Variants in BMAL2 observed in about 807,000 individuals in gnomAD.
The protein encoded by BMAL2 is basic helix-loop-helix ARNT like 2.
chr12:27,386,485 A>G, the BMAL2 span, among the ~76,000 whole-genome samples: 3 of 152,158 alleles, frequency 2.0e-5, no homozygotes, highest in African/African-American at 7.2e-5. Flanking sequence ...ATGCCTTTTT[A>G]TTATTCAAAA....
chr12:27,359,691 C>G, the BMAL2 span, among the ~76,000 whole-genome samples: 133 of 151,292 alleles, frequency 8.8e-4, no homozygotes, highest in Admixed American at 3.5e-3. Context: ...CAAAAACAAA[C>G]AAAAACTTAC....
chr12:27,361,072 TGAAA>T, the BMAL2 span, among the ~76,000 whole-genome samples: 13 of 152,106 alleles, frequency 8.5e-5, no homozygotes, highest in African/African-American at 2.7e-4. Context: ...TTATGAAAAA[TGAAA>T]GAAGCCATTT....
chr12:27,400,499 G>C, the BMAL2 span: 1 of 1,492,370 alleles, frequency 6.7e-7, no homozygotes, highest in Non-Finnish European at 9.0e-7. Flanking sequence ...TATTTATAAT[G>C]ATCCAAATGT....
chr12:27,361,667 A>G, the BMAL2 span, among the ~76,000 whole-genome samples: 2 of 152,164 alleles, frequency 1.3e-5, no homozygotes, highest in East Asian at 3.9e-4. Flanking sequence ...TGAAATTTTT[A>G]CTCCTTAAAT....
chr12:27,352,539 C>T, the BMAL2 span, among the ~76,000 whole-genome samples: 1 of 149,326 alleles, frequency 6.7e-6, no homozygotes, highest in South Asian at 2.2e-4. Flanking sequence ...CACTCCTATT[C>T]AACATAAACC....
At chr12:27,417,007 A>G in the BMAL2 span, among the ~76,000 whole-genome samples, 2 of 152,140 alleles carry the variant, frequency 1.3e-5, no homozygotes, top group African/African-American at 2.4e-5. Context: ...TACAAATATC[A>G]TGTCTTCTGC....
the BMAL2 span, among the ~76,000 whole-genome samples, chr12:27,420,019 G>GCGCGCGCACACACACACA: frequency 1.2e-3 from 178 of 147,568 alleles, no homozygotes; most frequent in African/African-American, 4.2e-3. Context: ...GTTTGCGCGT[G>GCGCGCGCACACACACACA]CACACACACA....
the BMAL2 span, chr12:27,401,585 T>C: frequency 1.2e-6 from 2 of 1,611,404 alleles, no homozygotes; most frequent in African/African-American, 2.7e-5. Context: ...AAGATGGCTC[T>C]TTTGTAACTT....
the BMAL2 span, chr12:27,400,778 A>G: frequency 6.2e-7 from 1 of 1,601,228 alleles, no homozygotes; most frequent in Non-Finnish European, 8.5e-7. Flanking sequence ...ATCAAAGGTA[A>G]ACATTTACAT....
At chr12:27,367,254 GC>G in the BMAL2 span, among the ~76,000 whole-genome samples, 63 of 144,888 alleles carry the variant, frequency 4.3e-4, no homozygotes, top group African/African-American at 1.7e-3. Context: ...TAAGTGACTC[GC>G]GGGCAGGTGA....
At chr12:27,378,292 G>A in the BMAL2 span, among the ~76,000 whole-genome samples, 1 of 152,178 alleles carries the variant, frequency 6.6e-6, no homozygotes, top group Non-Finnish European at 1.5e-5. Flanking sequence ...ACAATTGGTG[G>A]CTCTTAGATT....
the BMAL2 span, among the ~76,000 whole-genome samples, chr12:27,379,434 C>T: frequency 6.6e-6 from 1 of 152,040 alleles, no homozygotes; most frequent in Non-Finnish European, 1.5e-5. Context: ...GAGGAGAGAG[C>T]GGTGCTAAGC....
chr12:27,385,269 G>C, the BMAL2 span, among the ~76,000 whole-genome samples: 1 of 152,114 alleles, frequency 6.6e-6, no homozygotes, highest in South Asian at 2.1e-4. Flanking sequence ...AGCTGAGATT[G>C]CGCGACCGCA....
the BMAL2 span, among the ~76,000 whole-genome samples, chr12:27,350,879 T>A: frequency 6.6e-6 from 1 of 151,946 alleles, no homozygotes; most frequent in African/African-American, 2.4e-5. Flanking sequence ...AGGAGTTCAC[T>A]GTGTTGGCCA....
At chr12:27,389,386 C>G in the BMAL2 span, 1 of 788,976 alleles carries the variant, frequency 1.3e-6, no homozygotes, top group Non-Finnish European at 2.1e-6. Context: ...AAACAGCTAA[C>G]TAAGCTTTTA....
chr12:27,381,820 G>C, the BMAL2 span, among the ~76,000 whole-genome samples: 25 of 152,306 alleles, frequency 1.6e-4, no homozygotes, highest in African/African-American at 5.5e-4. Context: ...GAAGACTCCA[G>C]AGGAGACTCT....
chr12:27,389,415 G>A, the BMAL2 span: 5 of 648,580 alleles, frequency 7.7e-6, no homozygotes, highest in East Asian at 8.4e-5. Flanking sequence ...GAATTGTTTT[G>A]TAAACTTTAC....
chr12:27,378,936 G>T, the BMAL2 span, among the ~76,000 whole-genome samples: 1 of 152,096 alleles, frequency 6.6e-6, no homozygotes, highest in African/African-American at 2.4e-5. Context: ...TAAACCAGGG[G>T]TATCCAATCG....
At chr12:27,383,960 G>C in the BMAL2 span, among the ~76,000 whole-genome samples, 2 of 152,112 alleles carry the variant, frequency 1.3e-5, no homozygotes, top group Non-Finnish European at 2.9e-5. Flanking sequence ...TTAGTTCATT[G>C]GTGAGTTTGG....
Sources: gnomAD v4.1 joint callset for allele counts (sites outside exome capture counted in the v4.1 genomes callset) on GRCh38, gnomAD v4.1.1 for gene constraint, MANE v1.5 for transcripts, NCBI Gene and HGNC (gene_info 2026-07-23, HGNC 2026-07-21) for gene names.